The following CHD6 variants were observed in gnomAD, a reference collection of about 807,000 sequenced individuals.
CHD6 encodes chromodomain helicase DNA binding protein 6, also known as ATP-dependent chromatin remodeler CHD6.
In CHD6, 50 loss-of-function variants were observed where a neutral mutation model predicts 276.9. The ratio of observed to expected loss-of-function variants is 0.18; its 90% CI spans 0.14 to 0.23. The LOEUF is 0.23. Ranked by LOEUF, CHD6 falls within the 10% of genes least tolerant of loss-of-function variation. The pLI, the probability that CHD6 is intolerant of heterozygous loss-of-function variation, is 1.00. For synonymous variants in CHD6, 1,173 were observed against 1,229.3 expected (o/e 0.95, Z 0.96); for missense variants, 2,564 against 3,365.8 (o/e 0.76, Z 5.89).
intron 13 of CHD6, 104 bp downstream of exon 13, chr20:41,488,324 A>G: frequency 9.1e-7 from 1 of 1,096,990 alleles, no homozygotes. Context: ...ATCTAATGTA[A>G]AACGACTAGG....
At chr20:41,468,122 T>G (rs920469007) in intron 17 of CHD6, among the ~76,000 whole-genome samples, 7 of 151,366 alleles carry the variant, frequency 4.6e-5, no homozygotes, top group South Asian at 2.1e-4. Context: ...TTTTTTTTTT[T>G]TTGGGAGATG....
chr20:41,457,171 A>C (rs2048400951), intron 18 of CHD6, 93 bp downstream of exon 18: 2 of 1,446,234 alleles, frequency 1.4e-6, no homozygotes, highest in Admixed American at 4.0e-5. Flanking sequence ...AATGCAGCGA[A>C]AGTGAACCCT....
chr20:41,565,309 T>A (rs1370307329), intron 1 of CHD6, among the ~76,000 whole-genome samples: 1 of 152,136 alleles, frequency 6.6e-6, no homozygotes, highest in Non-Finnish European at 1.5e-5. Context: ...TTGGCCAGGC[T>A]GCTCTTGAAC....
chr20:41,559,147 GAC>G (rs58169591), intron 1 of CHD6, among the ~76,000 whole-genome samples: 325 of 147,844 alleles, frequency 2.2e-3, no homozygotes, highest in African/African-American at 3.7e-3. Context: ...GCCTGTTCCT[GAC>G]ACACACACAC....
chr20:41,591,013 T>C (rs1202834870), intron 1 of CHD6, among the ~76,000 whole-genome samples: 6 of 151,646 alleles, frequency 4.0e-5, no homozygotes, highest in Admixed American at 1.3e-4. Flanking sequence ...ATATACACCA[T>C]GGAATACTAT....
rs986868014 is a variant in CHD6, at chr20:41,473,714, C to T, written c.2469-197G>A. 1.3e-5 allele frequency among the ~76,000 whole-genome samples: 2 copies of T among 151,754 alleles called. No homozygotes were observed. The highest frequency in any genetic ancestry group is 4.8e-5 in the African/African-American group (2 of 41,288). On this transcript the variant is annotated intron_variant, in intron 16 of 36. Transcript: ENST00000373233. The surrounding 1 kb of genome is among the most constrained non-coding windows in gnomAD (Gnocchi z 4.1). Reference sequence around the variant, plus strand: ...ACACTTAAAACTGTATTGCAAAATGCCCCCCTCTCAAAACAGAACAAAACA... The same window carrying T: ...ACACTTAAAACTGTATTGCAAAATGTCCCCCTCTCAAAACAGAACAAAACA...
chr20:41,418,071 G>T (rs1414907700), intron 31 of CHD6, among the ~76,000 whole-genome samples: 1 of 152,208 alleles, frequency 6.6e-6, no homozygotes, highest in Non-Finnish European at 1.5e-5. Context: ...CCTTTGAAAT[G>T]TGGCTATTTC....
In CHD6 at chr20:41,417,243, C is replaced by G; in HGVS notation, c.6234G>C (p.Gln2078His). 6.2e-7 allele frequency: 1 copy of G among 1,614,132 alleles called. No individual in the cohort carries two copies. ...AATAGAGAGTTTTCTCCTGTAGCAG[C>G]TGAGCAATAGTGGGAGCTCGAGCCT... ...LQEARAPTIA[Q>H]LLQEKTLYSF... Residue 2078 changes from glutamine to histidine, a missense_variant, in exon 32 of 37, where the codon CAG becomes CAC. Physicochemically the swap from Gln to His is conservative, Grantham distance 24. Coordinates refer to ENST00000373233, the MANE Select transcript of CHD6 (RefSeq NM_032221.5).
At chr20:41,462,597 G>C (rs925467787) in intron 17 of CHD6, among the ~76,000 whole-genome samples, 2 of 152,158 alleles carry the variant, frequency 1.3e-5, no homozygotes, top group African/African-American at 4.8e-5. Context: ...TATAAATATG[G>C]AAAGGAGGAA....
chr20:41,601,236 T>C (rs2045770044), intron 1 of CHD6, among the ~76,000 whole-genome samples: 1 of 152,348 alleles, frequency 6.6e-6, no homozygotes, highest in African/African-American at 2.4e-5. Flanking sequence ...GTCATGTTTA[T>C]TTCCCCTGAG....
At chr20:41,435,698 T>A (rs879374987) in intron 27 of CHD6, among the ~76,000 whole-genome samples, 2 of 151,724 alleles carry the variant, frequency 1.3e-5, no homozygotes, top group African/African-American at 2.4e-5. Context: ...CCCAAAGAGA[T>A]ATAAAGGTTT....
intron 31 of CHD6, among the ~76,000 whole-genome samples, chr20:41,417,745 TG>T (rs1162339797): frequency 6.6e-6 from 1 of 152,140 alleles, no homozygotes; most frequent in Non-Finnish European, 1.5e-5. Context: ...GTCTATGAAA[TG>T]TAACACGGCA....
chr20:41,413,585 T>C (rs754260779), intron 34 of CHD6, 70 bp from the exon 35 acceptor site: 236 of 1,276,712 alleles, frequency 1.8e-4, no homozygotes, highest in South Asian at 4.2e-4. Flanking sequence ...AAAGAAAACA[T>C]GTAAGGTGTT....
intron 1 of CHD6, among the ~76,000 whole-genome samples, chr20:41,611,636 T>A (rs935436942): frequency 1.3e-4 from 20 of 152,102 alleles, no homozygotes; most frequent in Non-Finnish European, 2.6e-4. Context: ...TTTCTTTTTT[T>A]TTTTAAGACA....
chr20:41,507,364 T>C (rs185180491), intron 5 of CHD6, among the ~76,000 whole-genome samples: 1 of 150,116 alleles, frequency 6.7e-6, no homozygotes, highest in Non-Finnish European at 1.5e-5. Flanking sequence ...CAAGTGAAAA[T>C]TAAGGAGTTT....
rs373849035 is a variant in CHD6 at position 41,428,174 on chromosome 20, G to C, written c.4069-2021C>G. Among the ~76,000 whole-genome samples, 134 of 152,308 alleles carry C rather than the reference G, an allele frequency of 8.8e-4. 3 individuals carry two copies. The South Asian group carries it at 0.027, about 31-fold the overall frequency. On this transcript the variant is annotated intron_variant, in intron 27 of 36. Coordinates refer to ENST00000373233, the MANE Select transcript of CHD6 (RefSeq NM_032221.5). ...AGTTTTAGGCAAAACTTTCAAGTAA[G>C]GAAAGCTTTGAGCATTCATAGTGTT... is the stretch of plus-strand genomic sequence containing the variant.
chr20:41,463,430 A>G (rs545670827), intron 17 of CHD6, among the ~76,000 whole-genome samples: 2 of 152,342 alleles, frequency 1.3e-5, no homozygotes, highest in South Asian at 4.1e-4. Flanking sequence ...AAAAACAGAA[A>G]CTTTATAAGT....
At chr20:41,509,442 T>C (rs1012017689) in intron 5 of CHD6, among the ~76,000 whole-genome samples, 1 of 151,970 alleles carries the variant, frequency 6.6e-6, no homozygotes, top group African/African-American at 2.4e-5. Context: ...GTTAAACATA[T>C]TAGAGTGCCC....
intron 1 of CHD6, among the ~76,000 whole-genome samples, chr20:41,601,685 C>T (rs1390922812): frequency 6.6e-6 from 1 of 152,202 alleles, no homozygotes; most frequent in African/African-American, 2.4e-5. Context: ...TGTGCAACCC[C>T]AAACAAGTTA....
Sources: allele counts gnomAD v4.1 joint callset (sites outside exome capture counted in the v4.1 genomes callset), GRCh38; gene constraint gnomAD v4.1.1; non-coding constraint Gnocchi (gnomAD v3.1); transcripts MANE v1.5; gene names NCBI Gene and HGNC (gene_info 2026-07-23, HGNC 2026-07-21).